The following DCHS2 variants were observed in gnomAD, a reference collection of about 807,000 sequenced individuals.
DCHS2 encodes protocadherin-23.
Under a neutral mutation model 182.4 loss-of-function variants are expected in DCHS2, and 142 were observed. That is an observed-to-expected ratio of 0.78 (90% CI 0.68 to 0.89). The LOEUF is 0.89. Ranked by LOEUF, DCHS2 falls within the 40% of genes least tolerant of loss-of-function variation. DCHS2 has a pLI of 0.00. For missense variants in DCHS2, 4,319 were observed against 4,198.6 expected (o/e 1.03, Z -0.79); for synonymous variants, 1,740 against 1,663.3 (o/e 1.05, Z -1.12).
At chr4:154,315,365 T>C (rs1439537777) in intron 10 of DCHS2, among the ~76,000 whole-genome samples, 2 of 152,188 alleles carry the variant, frequency 1.3e-5, no homozygotes, top group Non-Finnish European at 2.9e-5. Flanking sequence ...CCTCTTCCAC[T>C]ATGCTATATA....
intron 3 of DCHS2, among the ~76,000 whole-genome samples, chr4:154,364,096 T>C (rs922759790): frequency 2.6e-5 from 4 of 152,324 alleles, no homozygotes; most frequent in Admixed American, 2.6e-4. Context: ...AACCCAAGGC[T>C]ATTTCCATAT....
At chr4:154,460,106 C>T (rs1251327183) in intron 1 of DCHS2, among the ~76,000 whole-genome samples, 2 of 152,170 alleles carry the variant, frequency 1.3e-5, no homozygotes, top group South Asian at 2.1e-4. Flanking sequence ...TGAACCTGAG[C>T]TTCAGTGCCT....
intron 7 of DCHS2, among the ~76,000 whole-genome samples, chr4:154,326,515 A>G (rs1736289357): frequency 6.6e-6 from 1 of 152,080 alleles, no homozygotes; most frequent in African/African-American, 2.4e-5. Flanking sequence ...CTTTATTCTC[A>G]ATGCCATATA....
intron 1 of DCHS2, among the ~76,000 whole-genome samples, chr4:154,435,824 A>C (rs1199789340): frequency 6.6e-6 from 1 of 152,164 alleles, no homozygotes; most frequent in East Asian, 1.9e-4. Context: ...AAGCTGCAAA[A>C]ATTTATCTTG....
At chr4:154,449,538 T>G (rs1445744822) in intron 1 of DCHS2, among the ~76,000 whole-genome samples, 1 of 152,098 alleles carries the variant, frequency 6.6e-6, no homozygotes, top group Non-Finnish European at 1.5e-5. Context: ...ACTTGGCTAA[T>G]TTTTGTAATT....
At chr4:154,247,635 C>CA (rs67157369) in intron 16 of DCHS2, among the ~76,000 whole-genome samples, 33 of 100,112 alleles carry the variant, frequency 3.3e-4, no homozygotes, top group Admixed American at 4.3e-4. Flanking sequence ...GACTCCGTCT[C>CA]AAAAAAAAAA....
chr4:154,325,260 A>G (rs1736233622), intron 7 of DCHS2, among the ~76,000 whole-genome samples: 2 of 151,658 alleles, frequency 1.3e-5, no homozygotes, highest in Non-Finnish European at 2.9e-5. Context: ...TCCATAAATA[A>G]CATATGCCAT....
intron 1 of DCHS2, among the ~76,000 whole-genome samples, chr4:154,394,050 A>G (rs1731826016): frequency 6.6e-6 from 1 of 152,166 alleles, no homozygotes; most frequent in Admixed American, 6.5e-5. Flanking sequence ...CATCCATTGG[A>G]TAGATTCTCT....
At chr4:154,339,299 C>G (rs1728953309) in intron 3 of DCHS2, among the ~76,000 whole-genome samples, 1 of 152,064 alleles carries the variant, frequency 6.6e-6, no homozygotes, top group Non-Finnish European at 1.5e-5. Context: ...TGATGCTCAC[C>G]CATTCTAGGG....
Position 154,342,561 on chromosome 4 carries a change from T to C in DCHS2, c.2477-7457A>G, listed in dbSNP as rs1428831861. Among the ~76,000 whole-genome samples the C allele has an allele frequency of 2.0e-5, 3 of 152,372 alleles. No individual in the cohort carries two copies. In the East Asian group the frequency reaches 5.8e-4, roughly 29 times the overall value. On this transcript the variant is annotated intron_variant, in intron 3 of 19. Transcript: ENST00000357232. ...AAATCCTTTGTTGTCATTTCAACAA[T>C]GTTCACATCTTCCCCAGGAGTAGAT...
At chr4:154,302,070 A>AAAG (rs1218378907) in intron 12 of DCHS2, among the ~76,000 whole-genome samples, 4 of 152,202 alleles carry the variant, frequency 2.6e-5, no homozygotes, top group Non-Finnish European at 4.4e-5. Flanking sequence ...TAATTGTAGA[A>AAAG]AAGTATAATA....
chr4:154,483,479 A>T (rs574048321), intron 1 of DCHS2, among the ~76,000 whole-genome samples: 1 of 152,312 alleles, frequency 6.6e-6, no homozygotes, highest in East Asian at 1.9e-4. Context: ...GGGTCAACTG[A>T]AGAAACATGA....
chr4:154,488,557 CT>C (rs1728667607), intron 1 of DCHS2, among the ~76,000 whole-genome samples: 1 of 151,838 alleles, frequency 6.6e-6, no homozygotes, highest in African/African-American at 2.4e-5. Context: ...TAAAAACTCA[CT>C]TACGAGAACT....
At chr4:154,305,381 CT>C in intron 10 of DCHS2, 150 bp from the exon 11 acceptor site, 1 of 1,073,582 alleles carries the variant, frequency 9.3e-7, no homozygotes, top group Non-Finnish European at 1.3e-6. Context: ...AAGAAAACCT[CT>C]TTTGGCTGTT....
At position 154,236,720 on chromosome 4, in the gene DCHS2, T is replaced by C. The variant is rs759464008; in HGVS notation, c.7932A>G (p.Pro2644=). The C allele has an allele frequency of 9.3e-6, 15 of 1,613,770 alleles. No homozygotes were observed. Among genetic ancestry groups the C allele is most frequent in the Non-Finnish European group, 1.7e-6 (2 of 1,179,938 alleles). ...TTGATATGACAGCTGTGGAACTCAA[T>C]GGAGGGCAGCCACTGTCAGATGCCA... ...VILASDSGCP[P]LSSTAVISIQ... is the part of the protein sequence containing the mutation. The change falls in exon 20 of 20, where the codon CCA becomes CCG. Residue 2644 remains proline (P), a synonymous_variant. Transcript: ENST00000357232.
chr4:154,470,891 T>C (rs1424770919), intron 1 of DCHS2, among the ~76,000 whole-genome samples: 3 of 152,158 alleles, frequency 2.0e-5, no homozygotes, highest in Admixed American at 6.5e-5. Flanking sequence ...ACAGTATAGC[T>C]AGAGCTTCAG....
intron 1 of DCHS2, among the ~76,000 whole-genome samples, chr4:154,399,516 A>G (rs1732069789): frequency 6.6e-6 from 1 of 152,220 alleles, no homozygotes; most frequent in African/African-American, 2.4e-5. Context: ...ATGACCATAG[A>G]GGGCTGGAGG....
intron 1 of DCHS2, chr4:154,391,377 C>A: frequency 6.0e-6 from 9 of 1,504,440 alleles, no homozygotes; most frequent in Non-Finnish European, 8.0e-6. Flanking sequence ...TACAGGTTCA[C>A]ATATGGAAAT....
intron 2 of DCHS2, chr4:154,374,001 G>GAAAAAA: frequency 1.8e-6 from 1 of 548,428 alleles, no homozygotes; most frequent in South Asian, 4.1e-5. Context: ...TATTTTAATA[G>GAAAAAA]CAAAAAAAAA....
Sources: allele counts gnomAD v4.1 joint callset (sites outside exome capture counted in the v4.1 genomes callset), GRCh38; gene constraint gnomAD v4.1.1; transcripts MANE v1.5; gene names NCBI Gene and HGNC (gene_info 2026-07-23, HGNC 2026-07-21).